CENPW: variants seen among roughly 807,000 people sequenced by gnomAD.
CENPW encodes centromere protein W, also known as cancer-up-regulated gene 2 protein.
In CENPW, 3 loss-of-function variants were observed where a neutral mutation model predicts 11.1. That is an observed-to-expected ratio of 0.27 (90% CI 0.12 to 0.70). The LOEUF (loss-of-function observed/expected upper bound fraction) is 0.70, where lower values mean the gene tolerates loss of function less well. Ranked by LOEUF, CENPW falls within the 30% of genes least tolerant of loss-of-function variation. CENPW has a pLI of 0.77. For synonymous variants in CENPW, 38 were observed against 42.0 expected, an observed-to-expected ratio of 0.91 and a Z score of 0.37; for missense variants, 100 against 105.6, an observed-to-expected ratio of 0.95 and a Z score of 0.23.
At chr6:126,448,416 T>A in the CENPW span, among the ~76,000 whole-genome samples, 2 of 151,244 alleles carry the variant, frequency 1.3e-5, no homozygotes, top group East Asian at 3.9e-4. Flanking sequence ...TTTTAATAAG[T>A]TGTTTCCATG....
At chr6:126,424,549 C>T in the CENPW span, among the ~76,000 whole-genome samples, 1 of 152,102 alleles carries the variant, frequency 6.6e-6, no homozygotes, top group Non-Finnish European at 1.5e-5. Flanking sequence ...AGCCTCAATG[C>T]TTAGTTCTCC....
the CENPW span, among the ~76,000 whole-genome samples, chr6:126,369,552 ATGTT>A: frequency 2.0e-5 from 3 of 152,080 alleles, no homozygotes; most frequent in Non-Finnish European, 2.9e-5. Context: ...ATTGTTTCAT[ATGTT>A]TGTTGGCCAT....
intron 1 of CENPW, 33 bp from the exon 2 acceptor site, chr6:126,346,172 C>T (rs1181056442): frequency 7.6e-7 from 1 of 1,319,620 alleles, no homozygotes; most frequent in East Asian, 2.4e-5. Context: ...AGTATTTGAG[C>T]TTAAAAATCC....
the CENPW span, among the ~76,000 whole-genome samples, chr6:126,480,736 T>G: frequency 6.6e-6 from 1 of 151,948 alleles, no homozygotes; most frequent in Admixed American, 6.6e-5. Flanking sequence ...TTGTGCTGGG[T>G]CTCTTAATTT....
At chr6:126,386,800 A>G in the CENPW span, among the ~76,000 whole-genome samples, 10 of 152,116 alleles carry the variant, frequency 6.6e-5, no homozygotes, top group African/African-American at 2.4e-4. Flanking sequence ...AGAAGAACAC[A>G]TAGTCTAATT....
the CENPW span, among the ~76,000 whole-genome samples, chr6:126,457,163 C>G: frequency 6.6e-6 from 1 of 151,268 alleles, no homozygotes; most frequent in Non-Finnish European, 1.5e-5. Flanking sequence ...AAAAAAATTG[C>G]TATTTGACCC....
chr6:126,465,165 C>G, the CENPW span, among the ~76,000 whole-genome samples: 1 of 151,912 alleles, frequency 6.6e-6, no homozygotes, highest in Non-Finnish European at 1.5e-5. Flanking sequence ...TAATAAGACA[C>G]AAAGTCAATA....
At chr6:126,355,132 G>A in the CENPW span, among the ~76,000 whole-genome samples, 5 of 151,936 alleles carry the variant, frequency 3.3e-5, no homozygotes, top group Middle Eastern at 3.4e-3. Context: ...TGTTCCAGGA[G>A]GCAAATACAA....
At chr6:126,421,732 A>G in the CENPW span, among the ~76,000 whole-genome samples, 21 of 152,016 alleles carry the variant, frequency 1.4e-4, no homozygotes, top group Admixed American at 1.1e-3. Context: ...TGGCATCTCT[A>G]TCAGTCAAAG....
chr6:126,400,092 A>G, the CENPW span, among the ~76,000 whole-genome samples: 1 of 152,106 alleles, frequency 6.6e-6, no homozygotes, highest in African/African-American at 2.4e-5. Flanking sequence ...TGGAAGATAC[A>G]TATATTCCTT....
At chr6:126,398,238 C>T in the CENPW span, among the ~76,000 whole-genome samples, 1 of 152,176 alleles carries the variant, frequency 6.6e-6, no homozygotes, top group Non-Finnish European at 1.5e-5. Flanking sequence ...ATTAAATTGT[C>T]TATCCCATTT....
At chr6:126,477,927 C>T in the CENPW span, among the ~76,000 whole-genome samples, 4 of 151,958 alleles carry the variant, frequency 2.6e-5, no homozygotes, top group African/African-American at 4.8e-5. Flanking sequence ...TGACTTGAAA[C>T]TGCTTCATCT....
the CENPW span, among the ~76,000 whole-genome samples, chr6:126,374,969 TC>T: frequency 2.6e-5 from 4 of 152,212 alleles, no homozygotes; most frequent in African/African-American, 9.6e-5. Flanking sequence ...TACCCCTAAA[TC>T]ATCTATAGAA....
the CENPW span, among the ~76,000 whole-genome samples, chr6:126,414,152 A>G: frequency 6.6e-6 from 1 of 152,026 alleles, no homozygotes; most frequent in Non-Finnish European, 1.5e-5. Context: ...GAAGCACCAG[A>G]ACACATGGAT....
downstream of CENPW, among the ~76,000 whole-genome samples, chr6:126,352,477 A>C (rs901832166): frequency 3.3e-5 from 5 of 152,296 alleles, no homozygotes; most frequent in African/African-American, 1.2e-4. Context: ...AGTTATCACC[A>C]GTAAAACAAC....
the CENPW span, among the ~76,000 whole-genome samples, chr6:126,443,560 T>C: frequency 6.6e-6 from 1 of 151,282 alleles, no homozygotes; most frequent in Non-Finnish European, 1.5e-5. Flanking sequence ...ATATTCTAAC[T>C]CCATGGTACC....
chr6:126,434,186 A>G, the CENPW span, among the ~76,000 whole-genome samples: 1 of 152,138 alleles, frequency 6.6e-6, no homozygotes, highest in Non-Finnish European at 1.5e-5. Context: ...GAGTTATGGT[A>G]GTGCTATCCA....
chr6:126,396,939 GTTCTTTTTA>G, the CENPW span, among the ~76,000 whole-genome samples: 1 of 151,920 alleles, frequency 6.6e-6, no homozygotes, highest in Non-Finnish European at 1.5e-5. Context: ...GCAAGACAAA[GTTCTTTTTA>G]CTCTTTCCTG....
At chr6:126,418,830 G>A in the CENPW span, among the ~76,000 whole-genome samples, 1 of 148,800 alleles carries the variant, frequency 6.7e-6, no homozygotes, top group African/African-American at 2.5e-5. Flanking sequence ...CTATCGCAAG[G>A]ACAAAAAGCC....
Sources: allele counts gnomAD v4.1 joint callset (sites outside exome capture counted in the v4.1 genomes callset), GRCh38; gene constraint gnomAD v4.1.1; transcripts MANE v1.5; gene names NCBI Gene and HGNC (gene_info 2026-07-23, HGNC 2026-07-21).